The following PPP3CB variants were observed in gnomAD, a reference collection of about 807,000 sequenced individuals.
The protein encoded by PPP3CB is protein phosphatase 3 catalytic subunit beta, also known as serine/threonine-protein phosphatase 2B catalytic subunit beta isoform.
In PPP3CB, 8 loss-of-function variants were observed where a neutral mutation model predicts 66.4. The ratio of observed to expected loss-of-function variants is 0.12; its 90% CI spans 0.07 to 0.22. PPP3CB has a LOEUF of 0.22. PPP3CB is among the 10% of genes least tolerant of loss of function. PPP3CB has a pLI of 1.00. For synonymous variants in PPP3CB, 208 were observed against 221.2 expected (o/e 0.94, Z 0.53); for missense variants, 319 against 642.5 (o/e 0.50, Z 5.44).
At chr10:73,473,744 A>C (rs1462373863) in intron 4 of PPP3CB, among the ~76,000 whole-genome samples, 1 of 151,638 alleles carries the variant, frequency 6.6e-6, no homozygotes, top group Non-Finnish European at 1.5e-5. Context: ...GGTTACTTAC[A>C]GGTATTAGAT....
chr10:73,467,850 G>C (rs943468977), intron 8 of PPP3CB, among the ~76,000 whole-genome samples, 172 bp from the exon 9 acceptor site: 1 of 152,062 alleles, frequency 6.6e-6, no homozygotes, highest in African/African-American at 2.4e-5. Context: ...TAATAACATA[G>C]GTTTTGTTTT....
chr10:73,452,695 CAAA>C (rs1246405444), intron 10 of PPP3CB, among the ~76,000 whole-genome samples: 3 of 86,296 alleles, frequency 3.5e-5, no homozygotes, highest in African/African-American at 4.5e-5. Context: ...GACTCTGTCT[CAAA>C]AAAAAAAAAA....
chr10:73,475,376 C>T (rs1009537455), intron 3 of PPP3CB, among the ~76,000 whole-genome samples: 1 of 152,192 alleles, frequency 6.6e-6, no homozygotes, highest in Admixed American at 6.5e-5. Flanking sequence ...GTCAAAATAA[C>T]AGCAGCTAAC....
intron 10 of PPP3CB, among the ~76,000 whole-genome samples, chr10:73,447,977 A>G (rs1288542550): frequency 6.6e-6 from 1 of 152,126 alleles, no homozygotes; most frequent in East Asian, 1.9e-4. Context: ...CAATGGAGAT[A>G]CTATAAAGTG....
At chr10:73,451,064 A>G (rs2056336923) in intron 10 of PPP3CB, among the ~76,000 whole-genome samples, 1 of 152,086 alleles carries the variant, frequency 6.6e-6, no homozygotes, top group Non-Finnish European at 1.5e-5. Context: ...CATATAAATC[A>G]TAGGTACCTA....
chr10:73,442,688 G>A (rs2056168124), intron 12 of PPP3CB, among the ~76,000 whole-genome samples: 1 of 150,556 alleles, frequency 6.6e-6, no homozygotes, highest in Non-Finnish European at 1.5e-5. Flanking sequence ...GGAGGGCAAG[G>A]AATGTAAAGC....
rs930857032 is a variant in PPP3CB, at chr10:73,438,164, C to T, written c.*78G>A. The T allele has an allele frequency of 5.0e-6, 7 of 1,394,214 alleles. No individual in the cohort carries two copies. In the East Asian group the frequency reaches 1.7e-4, roughly 33 times the overall value. 86.4% of individuals were successfully genotyped at this position (1,394,214 alleles called of 1,614,324 possible). On this transcript the variant is annotated 3_prime_UTR_variant, in exon 14 of 14. Coordinates refer to ENST00000360663, the MANE Select transcript of PPP3CB (RefSeq NM_021132.4). ...GAGAGACTGTGAAATTTACAGTCAG[C>T]TTGGCCGACCCCTCCAGCTCCTCGG...
intron 1 of PPP3CB, among the ~76,000 whole-genome samples, chr10:73,482,538 G>A (rs1391102370): frequency 5.4e-5 from 4 of 73,856 alleles, no homozygotes; most frequent in South Asian, 8.2e-4. Flanking sequence ...GCGAGACTCC[G>A]TCTCAAAAAA....
At chr10:73,460,265 C>CAAAAAAAAAAAAAAAAA (rs11447229) in intron 9 of PPP3CB, among the ~76,000 whole-genome samples, 1 of 35,820 alleles carries the variant, frequency 2.8e-5, no homozygotes, top group African/African-American at 9.5e-5. Flanking sequence ...AAAGTAATAG[C>CAAAAAAAAAAAAAAAAA]AAAAAAAAAA....
In PPP3CB at chr10:73,479,318, T is replaced by G; in HGVS notation, c.285A>C (p.Thr95=). Residue 95 remains threonine (T), a splice_region_variant and synonymous_variant, in exon 2 of 14, where the codon ACA becomes ACC. Coordinates refer to ENST00000360663, the MANE Select transcript of PPP3CB (RefSeq NM_021132.4). ...TACCCAAAACATGAATAAGCTTACC[T>G]GTGATTGGAGCTTCTACTTCTATCA... ...KTMIEVEAPI[T]VCGDIHGQFF... The G allele has an allele frequency of 6.2e-6, 10 of 1,613,168 alleles. No individual in the cohort carries two copies. Among genetic ancestry groups the G allele is most frequent in the Non-Finnish European group, 8.5e-6 (10 of 1,179,138 alleles).
intron 12 of PPP3CB, 88 bp downstream of exon 12, chr10:73,444,637 T>C: frequency 6.3e-7 from 1 of 1,580,192 alleles, no homozygotes; most frequent in Non-Finnish European, 8.6e-7. Flanking sequence ...CAGAAGGAAT[T>C]CCCTGCATGC....
At chr10:73,454,353 G>C in intron 10 of PPP3CB, 59 bp downstream of exon 10, 1 of 1,325,790 alleles carries the variant, frequency 7.5e-7, no homozygotes, top group South Asian at 1.3e-5. Flanking sequence ...ACTGAGGCTA[G>C]GCAGTAAAGA....
intron 1 of PPP3CB, among the ~76,000 whole-genome samples, chr10:73,492,206 C>T (rs903175068): frequency 5.9e-5 from 9 of 152,014 alleles, no homozygotes; most frequent in African/African-American, 2.2e-4. Context: ...TACTATAACC[C>T]ATGAAATAAA....
intron 1 of PPP3CB, among the ~76,000 whole-genome samples, chr10:73,480,245 G>A (rs534995442): frequency 1.3e-5 from 2 of 151,932 alleles, no homozygotes; most frequent in Admixed American, 6.6e-5. Context: ...CTTACTTAAC[G>A]TTTCACAAAA....
At chr10:73,449,810 T>G (rs573962785) in intron 10 of PPP3CB, among the ~76,000 whole-genome samples, 1 of 152,166 alleles carries the variant, frequency 6.6e-6, no homozygotes, top group Non-Finnish European at 1.5e-5. Context: ...GCTTTTTTTT[T>G]TTTGAGACCG....
chr10:73,456,897 C>T (rs1186223422), intron 9 of PPP3CB, among the ~76,000 whole-genome samples: 5 of 151,970 alleles, frequency 3.3e-5, no homozygotes, highest in Admixed American at 3.3e-4. Context: ...TACCATATGA[C>T]CTTATTTATA....
chr10:73,467,724 T>C (rs771294518), intron 8 of PPP3CB, 46 bp from the exon 9 acceptor site: 3 of 1,459,550 alleles, frequency 2.1e-6, no homozygotes, highest in Non-Finnish European at 2.8e-6. Flanking sequence ...TAAGTAACTA[T>C]TTGTCATTAG....
At chr10:73,457,309 T>C (rs1373332052) in intron 9 of PPP3CB, among the ~76,000 whole-genome samples, 1 of 127,686 alleles carries the variant, frequency 7.8e-6, no homozygotes, top group Non-Finnish European at 1.6e-5. Flanking sequence ...TGGTAGGACA[T>C]GCCTGTAGTC....
intron 9 of PPP3CB, among the ~76,000 whole-genome samples, chr10:73,459,630 C>A (rs2132861878): frequency 6.6e-6 from 1 of 152,314 alleles, no homozygotes; most frequent in Non-Finnish European, 1.5e-5. Context: ...ACTATTCCAT[C>A]ATAAAAAGGA....
Sources: gnomAD v4.1 joint callset for allele counts (sites outside exome capture counted in the v4.1 genomes callset) on GRCh38, gnomAD v4.1.1 for gene constraint, MANE v1.5 for transcripts, NCBI Gene and HGNC (gene_info 2026-07-23, HGNC 2026-07-21) for gene names.